The following PLCE1 variants were observed in gnomAD, a reference collection of about 807,000 sequenced individuals.
PLCE1 encodes the protein phospholipase C epsilon 1.
A neutral mutation model predicts 242.8 loss-of-function variants in PLCE1; 119 were observed. The observed-to-expected ratio is 0.49, with a 90% CI of 0.42 to 0.57. The LOEUF (loss-of-function observed/expected upper bound fraction) is 0.57. PLCE1 is among the 20% of genes least tolerant of loss of function. The pLI, the probability that PLCE1 is intolerant of heterozygous loss-of-function variation, is 0.00. For missense variants in PLCE1, 2,441 were observed against 2,788.8 expected (o/e 0.88, Z 2.81); for synonymous variants, 945 against 1,017.4 (o/e 0.93, Z 1.35).
At position 94,328,893 on chromosome 10, in the gene PLCE1, A is replaced by G. The variant is rs569181029; in HGVS notation, c.*950A>G. On this transcript the variant is annotated 3_prime_UTR_variant, in exon 33 of 33. Transcript: ENST00000371380. ...TTTCAAAATGAATTTAGAATGACGT[A>G]TAATTTAATATCTACTGAATTGCAA... is the stretch of plus-strand genomic sequence containing the variant. 1 of 152,348 alleles carries G rather than the reference A, an allele frequency of 6.6e-6. No homozygotes were observed. The highest frequency in any genetic ancestry group is 2.1e-4 in the South Asian group (1 of 4,830). The allele number at this position is 152,348 out of a possible 1,614,324, so 9.4% of individuals were successfully genotyped here.
At chr10:94,326,779 A>C (rs2054031654) in intron 32 of PLCE1, among the ~76,000 whole-genome samples, 1 of 152,168 alleles carries the variant, frequency 6.6e-6, no homozygotes, top group African/African-American at 2.4e-5. Flanking sequence ...ATTTTTTCTG[A>C]CCAATGGATT....
chr10:94,219,065 A>ATTT (rs1167883715), intron 4 of PLCE1, among the ~76,000 whole-genome samples: 1 of 151,190 alleles, frequency 6.6e-6, no homozygotes, highest in African/African-American at 2.4e-5. Context: ...TAATACCACT[A>ATTT]TTTAATTACT....
intron 22 of PLCE1, among the ~76,000 whole-genome samples, chr10:94,288,820 C>CA (rs1452082476): frequency 6.6e-6 from 1 of 152,172 alleles, no homozygotes; most frequent in African/African-American, 2.4e-5. Context: ...TCCCTGGACA[C>CA]ACACTGTCAT....
chr10:94,168,072 G>A (rs879274286), intron 3 of PLCE1, among the ~76,000 whole-genome samples: 3 of 152,126 alleles, frequency 2.0e-5, no homozygotes, highest in Non-Finnish European at 2.9e-5. Context: ...TCTAAAAAGA[G>A]AAGAGCCACA....
rs751831597 is a variant in PLCE1 at position 94,321,965 on chromosome 10, GTTTC to G, written c.6411_6414del (p.Phe2137LeufsTer42). On this transcript the variant is annotated frameshift_variant, in exon 30 of 33. Coordinates refer to ENST00000371380, the MANE Select transcript of PLCE1 (RefSeq NM_016341.4). LOFTEE classifies it high-confidence loss of function. ...GTGATCTTGAGCTCAGAGGAGGAGA[GTTTC>G]TTTGTCCAAGTGCATGATGTTTCTC... is the stretch of plus-strand genomic sequence containing the variant. 6.2e-7 allele frequency: 1 copy of G among 1,613,930 alleles called. No homozygotes were observed. The highest frequency in any genetic ancestry group is 8.5e-7 in the Non-Finnish European group (1 of 1,179,834).
rs117607728 is a variant in PLCE1, at chr10:94,298,879, G to T, written c.5458+210G>T. ...GGTGATAGAAAAGAATCTTGAAGGG[G>T]CCTGTAAGGTCTCCTGGTCCTGCCC... On this transcript the variant is annotated intron_variant, in intron 24 of 32. Coordinates refer to ENST00000371380, the MANE Select transcript of PLCE1 (RefSeq NM_016341.4). This position sits in a 1 kb window ranked among gnomAD's most constrained non-coding sequence, Gnocchi z 5.2. Among the ~76,000 whole-genome samples the T allele has an allele frequency of 3.3e-3, 508 of 152,292 alleles. 1 individual carries two copies. Among genetic ancestry groups the T allele is most frequent in the Non-Finnish European group, 6.0e-3 (411 of 68,020 alleles).
chr10:94,253,194 T>C (rs543899195), intron 9 of PLCE1, among the ~76,000 whole-genome samples: 30 of 152,290 alleles, frequency 2.0e-4, no homozygotes, highest in Admixed American at 1.9e-3. Flanking sequence ...AGAAAGAAGG[T>C]TAATTGACTC....
At chr10:94,081,304 G>GT (rs925285909) in intron 2 of PLCE1, among the ~76,000 whole-genome samples, 2 of 151,930 alleles carry the variant, frequency 1.3e-5, no homozygotes, top group African/African-American at 4.8e-5. Flanking sequence ...TTTTCATTTA[G>GT]TTTTGTTTAT....
intron 22 of PLCE1, among the ~76,000 whole-genome samples, chr10:94,285,294 T>C (rs1326016821): frequency 6.6e-6 from 1 of 152,188 alleles, no homozygotes; most frequent in Non-Finnish European, 1.5e-5. Context: ...ACATCTCCTT[T>C]ACCGTTCATA....
chr10:94,270,407 T>C, intron 17 of PLCE1, 79 bp from the exon 18 acceptor site: 1 of 913,680 alleles, frequency 1.1e-6, no homozygotes, highest in Admixed American at 1.7e-5. Context: ...TTGAGATGCT[T>C]TCTGTGGCTA....
chr10:94,046,275 CT>C (rs1372782157), intron 2 of PLCE1, among the ~76,000 whole-genome samples: 4 of 152,184 alleles, frequency 2.6e-5, no homozygotes, highest in Non-Finnish European at 5.9e-5. Flanking sequence ...CATGGGGTCC[CT>C]CCCAGTCTCT....
chr10:94,094,738 C>T (rs556033110), intron 2 of PLCE1: 2 of 152,282 alleles, frequency 1.3e-5, no homozygotes, highest in African/African-American at 4.8e-5. Flanking sequence ...TCACACCCGG[C>T]ATCTGACAGC....
chr10:94,029,130 T>C (rs2061506622), intron 1 of PLCE1, among the ~76,000 whole-genome samples: 2 of 152,088 alleles, frequency 1.3e-5, no homozygotes, highest in South Asian at 2.1e-4. Context: ...ATAATTATAA[T>C]AACAACAATA....
At position 94,273,691 on chromosome 10, in the gene PLCE1, C is replaced by CA; in HGVS notation, c.4637dup (p.Thr1547AspfsTer22). ...TAAAAACAAGAAGCTAAAAGCCCATCAGACGCCAGTGGATATCTTAAAGCA... is the reference window on the plus strand; with the variant it reads ...TAAAAACAAGAAGCTAAAAGCCCATCAAGACGCCAGTGGATATCTTAAAGCA... On this transcript the variant is annotated frameshift_variant, in exon 19 of 33. Transcript: ENST00000371380. LOFTEE classifies it high-confidence loss of function. The CA allele has an allele frequency of 6.2e-7, 1 of 1,613,952 alleles. No individual in the cohort carries two copies.
intron 2 of PLCE1, among the ~76,000 whole-genome samples, chr10:94,056,113 T>C (rs2043896391): frequency 6.6e-6 from 1 of 152,368 alleles, no homozygotes; most frequent in African/African-American, 2.4e-5. Flanking sequence ...GCAAACCCTT[T>C]TCTGTGTCAG....
At chr10:94,251,381 A>G (rs1450604466) in intron 8 of PLCE1, among the ~76,000 whole-genome samples, 1 of 152,218 alleles carries the variant, frequency 6.6e-6, no homozygotes, top group Non-Finnish European at 1.5e-5. Flanking sequence ...TGTTTTTTGC[A>G]TATGATCTGC....
intron 27 of PLCE1, among the ~76,000 whole-genome samples, chr10:94,311,478 C>T (rs1257451547): frequency 1.3e-5 from 2 of 152,202 alleles, no homozygotes; most frequent in Admixed American, 1.3e-4. Flanking sequence ...CATCCTTGGG[C>T]TTCCTGGGCA....
chr10:93,996,386 T>C (rs2060822180), intron 1 of PLCE1, among the ~76,000 whole-genome samples: 2 of 152,072 alleles, frequency 1.3e-5, no homozygotes, highest in South Asian at 2.1e-4. Flanking sequence ...CAAGTAGGGG[T>C]TTGGTTGAGG....
At chr10:94,085,423 G>T (rs192464642) in intron 2 of PLCE1, among the ~76,000 whole-genome samples, 3 of 152,226 alleles carry the variant, frequency 2.0e-5, no homozygotes, top group Non-Finnish European at 1.5e-5. Context: ...TCTGAACTCC[G>T]GTACTGACTT....
Sources: gnomAD v4.1 joint callset for allele counts (sites outside exome capture counted in the v4.1 genomes callset) on GRCh38, gnomAD v4.1.1 for gene constraint, Gnocchi (gnomAD v3.1) non-coding constraint, MANE v1.5 for transcripts, NCBI Gene and HGNC (gene_info 2026-07-23, HGNC 2026-07-21) for gene names.